Variants in TUSC3 observed in about 807,000 individuals in gnomAD.
The protein encoded by TUSC3 is tumor suppressor candidate 3, also known as dolichyl-diphosphooligosaccharide--protein glycosyltransferase subunit TUSC3.
TUSC3 carries 45 observed loss-of-function variants against 44.8 expected under a neutral mutation model. The observed-to-expected ratio is 1.00, with a 90% CI of 0.79 to 1.29. The LOEUF is 1.29. Among genes scored for constraint, TUSC3 ranks in the 50% most tolerant of loss-of-function variants. The probability of loss-of-function intolerance (pLI) is 0.00; values close to 1 mark genes in which losing one functional copy is unlikely to be tolerated. For synonymous variants in TUSC3, 212 were observed against 152.9 expected (o/e 1.39, Z -2.85); for missense variants, 519 against 437.9 (o/e 1.19, Z -1.65).
intron 7 of TUSC3, 76 bp from the exon 8 acceptor site, chr8:15,743,462 C>G (rs1247148702): frequency 7.0e-7 from 1 of 1,429,956 alleles, no homozygotes; most frequent in Non-Finnish European, 9.9e-7. Flanking sequence ...CATTCTGGAA[C>G]ATTGTGTTCA....
At chr8:15,496,084 C>T (rs1011852427) in intron 2 of TUSC3, among the ~76,000 whole-genome samples, 8 of 152,148 alleles carry the variant, frequency 5.3e-5, no homozygotes, top group African/African-American at 1.9e-4. Context: ...CAACTTTGTC[C>T]TGTAGAGGAA....
At chr8:15,545,614 G>C (rs928041230) in intron 1 of TUSC3, among the ~76,000 whole-genome samples, 2 of 151,756 alleles carry the variant, frequency 1.3e-5, no homozygotes, top group African/African-American at 2.4e-5. Flanking sequence ...TAGGAGCTTG[G>C]TCAAAAGAGA....
chr8:15,441,497 A>G (rs1202902319), intron 1 of TUSC3, among the ~76,000 whole-genome samples: 4 of 152,260 alleles, frequency 2.6e-5, no homozygotes, highest in African/African-American at 9.6e-5. Context: ...CCCAAACAAT[A>G]TCAGTGATAT....
At chr8:15,561,099 GT>G (rs1343905563) in intron 1 of TUSC3, among the ~76,000 whole-genome samples, 1 of 114,772 alleles carries the variant, frequency 8.7e-6, no homozygotes, top group African/African-American at 3.2e-5. Context: ...AGAGTTTCCA[GT>G]TTTTCTGTTC....
At chr8:15,432,977 C>G (rs1244838801) in intron 1 of TUSC3, among the ~76,000 whole-genome samples, 1 of 152,126 alleles carries the variant, frequency 6.6e-6, no homozygotes, top group Non-Finnish European at 1.5e-5. Flanking sequence ...AAAATGGTTT[C>G]TTTTTCCCTT....
At chr8:15,789,630 A>T in the TUSC3 span, among the ~76,000 whole-genome samples, 2 of 151,602 alleles carry the variant, frequency 1.3e-5, no homozygotes, top group East Asian at 1.9e-4. Flanking sequence ...ATATTTGTGT[A>T]TGCAGATATA....
intron 2 of TUSC3, among the ~76,000 whole-genome samples, chr8:15,499,207 C>G (rs572467042): frequency 5.3e-5 from 8 of 152,260 alleles, no homozygotes; most frequent in South Asian, 2.1e-4. Flanking sequence ...GTTTTACTCT[C>G]TATCCTTCTG....
At chr8:15,835,958 G>A in the TUSC3 span, among the ~76,000 whole-genome samples, 41 of 152,002 alleles carry the variant, frequency 2.7e-4, no homozygotes, top group Non-Finnish European at 5.0e-4. Flanking sequence ...TTTAGTGTAT[G>A]TAAGTTCCAA....
the TUSC3 span, among the ~76,000 whole-genome samples, chr8:15,783,286 C>T: frequency 6.6e-6 from 1 of 152,142 alleles, no homozygotes; most frequent in Non-Finnish European, 1.5e-5. Context: ...CAAAGTGTGA[C>T]ATTTTTTAAT....
At chr8:15,450,656 TGAG>T (rs1800186048) in intron 1 of TUSC3, among the ~76,000 whole-genome samples, 5 of 152,040 alleles carry the variant, frequency 3.3e-5, no homozygotes, top group Non-Finnish European at 7.4e-5. Context: ...GGAGACAGAG[TGAG>T]ACTCGGTCTC....
rs764840600 is a variant in TUSC3, at chr8:15,662,263, C to A, written c.675C>A (p.Ile225=). 9.9e-6 allele frequency: 16 copies of A among 1,612,910 alleles called. No homozygotes were observed. The highest frequency in any genetic ancestry group is 1.3e-5 in the African/African-American group (1 of 74,812). ...TGAGAAGGAACAACTTGGAGTTCAT[C>A]TATAACAAGACTGGTTGGGCCATGG... ...LYLRRNNLEF[I]YNKTGWAMVS... Residue 225 remains isoleucine (I), a synonymous_variant, in exon 5 of 11, where the codon ATC becomes ATA. Transcript: ENST00000503731.
At chr8:15,547,989 T>C (rs1801932462) in intron 1 of TUSC3, among the ~76,000 whole-genome samples, 1 of 151,756 alleles carries the variant, frequency 6.6e-6, no homozygotes. Flanking sequence ...TTATTTTTTA[T>C]TTATTTTTAA....
At chr8:15,541,164 A>G (rs1801679258) in intron 1 of TUSC3, among the ~76,000 whole-genome samples, 1 of 152,226 alleles carries the variant, frequency 6.6e-6, no homozygotes, top group African/African-American at 2.4e-5. Flanking sequence ...CTCAGTGTAT[A>G]CTTGTGAAAA....
chr8:15,830,575 G>A, the TUSC3 span, among the ~76,000 whole-genome samples: 36 of 152,284 alleles, frequency 2.4e-4, no homozygotes, highest in African/African-American at 8.2e-4. Flanking sequence ...ATACTATGCA[G>A]CCATAGAAAA....
At chr8:15,617,016 C>T (rs1201093750) in intron 1 of TUSC3, among the ~76,000 whole-genome samples, 1 of 151,946 alleles carries the variant, frequency 6.6e-6, no homozygotes, top group Non-Finnish European at 1.5e-5. Flanking sequence ...AGCGAAGTGG[C>T]TTTGAAAGAA....
intron 1 of TUSC3, among the ~76,000 whole-genome samples, chr8:15,434,501 T>G (rs1188615861): frequency 2.6e-5 from 4 of 151,230 alleles, no homozygotes; most frequent in Non-Finnish European, 5.9e-5. Context: ...ACCTGAAATA[T>G]TCTATGTGCT....
chr8:15,730,642 AT>A (rs1320014011), intron 6 of TUSC3, 23 bp from the exon 7 acceptor site: 1 of 1,611,070 alleles, frequency 6.2e-7, no homozygotes, highest in East Asian at 2.2e-5. Context: ...TCAGACTGTA[AT>A]TTCTGTTTGT....
At chr8:15,610,836 C>T (rs939474785) in intron 1 of TUSC3, among the ~76,000 whole-genome samples, 11 of 152,090 alleles carry the variant, frequency 7.2e-5, no homozygotes, top group South Asian at 2.1e-4. Context: ...GGATGCTCTC[C>T]GGGGTACAAA....
the TUSC3 span, among the ~76,000 whole-genome samples, chr8:15,852,081 C>T: frequency 2.0e-5 from 3 of 152,074 alleles, no homozygotes; most frequent in South Asian, 2.1e-4. Flanking sequence ...ACCTCTTTTT[C>T]GTTATAAATT....
Sources: gnomAD v4.1 joint callset for allele counts (sites outside exome capture counted in the v4.1 genomes callset) on GRCh38, gnomAD v4.1.1 for gene constraint, MANE v1.5 for transcripts, NCBI Gene and HGNC (gene_info 2026-07-23, HGNC 2026-07-21) for gene names.